Variants in KCNH8 observed in about 807,000 individuals in gnomAD.
KCNH8 encodes voltage-gated delayed rectifier potassium channel KCNH8.
A neutral mutation model predicts 103.6 loss-of-function variants in KCNH8; 70 were observed. The observed-to-expected ratio is 0.68, with a 90% CI of 0.56 to 0.82. KCNH8 has a LOEUF of 0.82. Ranked by LOEUF, KCNH8 falls within the 40% of genes least tolerant of loss-of-function variation. The pLI is 0.00. For missense variants in KCNH8, 1,217 were observed against 1,329.9 expected (o/e 0.92, Z 1.32); for synonymous variants, 498 against 489.4 (o/e 1.02, Z -0.23).
chr3:19,354,886 T>C (rs920085687), intron 5 of KCNH8, among the ~76,000 whole-genome samples: 6 of 151,970 alleles, frequency 3.9e-5, no homozygotes, highest in Middle Eastern at 3.4e-3. Context: ...CAAATGGGAT[T>C]TAATTAAACT....
At chr3:19,440,689 A>C (rs1012446736) in intron 8 of KCNH8, among the ~76,000 whole-genome samples, 1 of 152,152 alleles carries the variant, frequency 6.6e-6, no homozygotes, top group Non-Finnish European at 1.5e-5. Flanking sequence ...GACACAGCCA[A>C]ACCATATCAA....
intron 4 of KCNH8, among the ~76,000 whole-genome samples, chr3:19,343,182 T>G (rs769449451): frequency 1.3e-5 from 2 of 152,080 alleles, no homozygotes; most frequent in Non-Finnish European, 2.9e-5. Context: ...AAACTTACAT[T>G]TTATATAAAA....
chr3:19,295,035 A>C (rs545215211), intron 3 of KCNH8, among the ~76,000 whole-genome samples: 27 of 152,032 alleles, frequency 1.8e-4, no homozygotes, highest in Non-Finnish European at 3.2e-4. Flanking sequence ...TTGGAATTTA[A>C]TATTAAAAAA....
intron 1 of KCNH8, among the ~76,000 whole-genome samples, chr3:19,181,985 G>A (rs1222917339): frequency 6.6e-6 from 1 of 152,078 alleles, no homozygotes; most frequent in Admixed American, 6.5e-5. Context: ...AAAAGAAAAT[G>A]ACCAAATTCC....
chr3:19,220,637 G>A (rs1319937549), intron 1 of KCNH8, among the ~76,000 whole-genome samples: 6 of 151,902 alleles, frequency 3.9e-5, no homozygotes, highest in Non-Finnish European at 7.4e-5. Context: ...CATTATCCAT[G>A]ACCAACCATA....
intron 5 of KCNH8, among the ~76,000 whole-genome samples, chr3:19,389,238 G>A (rs1444283754): frequency 2.0e-5 from 3 of 152,106 alleles, no homozygotes; most frequent in Non-Finnish European, 4.4e-5. Context: ...TGGATCCTCC[G>A]ATCAGGAATT....
chr3:19,292,189 A>C (rs2125282746), intron 3 of KCNH8, among the ~76,000 whole-genome samples: 1 of 152,228 alleles, frequency 6.6e-6, no homozygotes, highest in East Asian at 1.9e-4. Context: ...TTTGCTTTGG[A>C]ATGTTGGTTG....
chr3:19,467,009 AAGTCTATTAATGCACACT>A (rs375644341), intron 11 of KCNH8, among the ~76,000 whole-genome samples: 3,097 of 152,250 alleles, frequency 0.02, 111 homozygotes, highest in African/African-American at 0.069. Context: ...AGACATACAT[AAGTCTATTAATGCACACT>A]TAATAGACTA....
At chr3:19,212,797 T>C (rs1427182404) in intron 1 of KCNH8, among the ~76,000 whole-genome samples, 1 of 152,230 alleles carries the variant, frequency 6.6e-6, no homozygotes, top group Non-Finnish European at 1.5e-5. Flanking sequence ...TCAGCAATTC[T>C]TCAGTTAAAT....
intron 3 of KCNH8, among the ~76,000 whole-genome samples, chr3:19,299,451 G>A (rs2125288197): frequency 6.6e-6 from 1 of 152,122 alleles, no homozygotes; most frequent in South Asian, 2.1e-4. Context: ...GCAACATAGT[G>A]AGACCCCCAT....
intron 5 of KCNH8, among the ~76,000 whole-genome samples, chr3:19,373,959 C>T (rs1302819857): frequency 1.3e-5 from 2 of 152,188 alleles, no homozygotes; most frequent in Non-Finnish European, 2.9e-5. Flanking sequence ...TTTGATTGCA[C>T]TGTGGTCTGA....
chr3:19,185,822 A>G (rs2063496671), intron 1 of KCNH8, among the ~76,000 whole-genome samples: 1 of 151,974 alleles, frequency 6.6e-6, no homozygotes, highest in African/African-American at 2.4e-5. Flanking sequence ...TCTTATATTT[A>G]CTTTCCACAT....
At chr3:19,487,865 T>C (rs1334283249) in intron 11 of KCNH8, among the ~76,000 whole-genome samples, 5 of 152,292 alleles carry the variant, frequency 3.3e-5, no homozygotes, top group Admixed American at 2.6e-4. Flanking sequence ...AACTATTTTA[T>C]GTCCCACCAC....
At chr3:19,486,318 A>G (rs1220003852) in intron 11 of KCNH8, among the ~76,000 whole-genome samples, 1 of 152,238 alleles carries the variant, frequency 6.6e-6, no homozygotes, top group African/African-American at 2.4e-5. Context: ...GGATTTTCAC[A>G]AAGCAAGCTT....
intron 7 of KCNH8, among the ~76,000 whole-genome samples, chr3:19,431,564 C>G (rs1406691621): frequency 6.6e-6 from 1 of 152,160 alleles, no homozygotes; most frequent in East Asian, 1.9e-4. Context: ...GGTACCAGCT[C>G]TTCTTTGTAC....
At chr3:19,234,207 G>A (rs2064031572) in intron 1 of KCNH8, among the ~76,000 whole-genome samples, 7 of 152,226 alleles carry the variant, frequency 4.6e-5, no homozygotes, top group Admixed American at 4.6e-4. Context: ...AGACTCAGGA[G>A]CCCAGCTGGC....
intron 7 of KCNH8, among the ~76,000 whole-genome samples, chr3:19,426,368 T>C (rs184425345): frequency 6.9e-4 from 105 of 152,010 alleles, no homozygotes; most frequent in Non-Finnish European, 1.1e-3. Context: ...CAATGACATA[T>C]AATGAAGACA....
intron 8 of KCNH8, among the ~76,000 whole-genome samples, chr3:19,443,338 C>A (rs868701743): frequency 5.3e-5 from 8 of 150,562 alleles, no homozygotes; most frequent in African/African-American, 1.7e-4. Context: ...TGGGAACCCA[C>A]CAGAATTTCC....
chr3:19,322,836 G>A (rs1159463389), intron 3 of KCNH8, among the ~76,000 whole-genome samples: 1 of 152,088 alleles, frequency 6.6e-6, no homozygotes, highest in Non-Finnish European at 1.5e-5. Flanking sequence ...TTATTCTTAG[G>A]TTTGGTCTTT....
Sources: allele counts gnomAD v4.1 joint callset (sites outside exome capture counted in the v4.1 genomes callset), GRCh38; gene constraint gnomAD v4.1.1; transcripts MANE v1.5; gene names NCBI Gene and HGNC (gene_info 2026-07-23, HGNC 2026-07-21).